Variants in GMDS observed in about 807,000 individuals in gnomAD.
GMDS encodes GDP-mannose 4,6-dehydratase, also known as GDP-mannose 4,6 dehydratase.
A neutral mutation model predicts 49.9 loss-of-function variants in GMDS; 20 were observed. That is an observed-to-expected ratio of 0.40 (90% confidence interval 0.28 to 0.58). The LOEUF (loss-of-function observed/expected upper bound fraction) is 0.58, where lower values mean the gene tolerates loss of function less well. Ranked by LOEUF, GMDS falls within the 20% of genes least tolerant of loss-of-function variation. The pLI is 0.42. For missense variants in GMDS, 362 were observed against 481.4 expected, an observed-to-expected ratio of 0.75 and a Z score of 2.32; for synonymous variants, 177 against 178.6, an observed-to-expected ratio of 0.99 and a Z score of 0.07.
intron 4 of GMDS, among the ~76,000 whole-genome samples, chr6:2,085,476 A>G (rs1338970763): frequency 6.6e-6 from 1 of 152,214 alleles, no homozygotes; most frequent in African/African-American, 2.4e-5. Context: ...AGTCATATGC[A>G]CTTCCTTCCA....
intron 4 of GMDS, among the ~76,000 whole-genome samples, chr6:2,002,999 A>G (rs566256121): frequency 1.3e-5 from 2 of 152,272 alleles, no homozygotes; most frequent in East Asian, 3.9e-4. Context: ...AAAAAAATAC[A>G]TTTAACATGA....
At chr6:1,952,509 G>A (rs1561918121) in intron 6 of GMDS, among the ~76,000 whole-genome samples, 1 of 151,996 alleles carries the variant, frequency 6.6e-6, no homozygotes, top group Non-Finnish European at 1.5e-5. Context: ...GCTGGGAGAT[G>A]ATTAAAAAAA....
chr6:1,961,494 T>A (rs372110728), intron 4 of GMDS, among the ~76,000 whole-genome samples: 1 of 152,238 alleles, frequency 6.6e-6, no homozygotes. Flanking sequence ...ATAATCTTTT[T>A]TTAATTTGAG....
At chr6:2,210,558 G>A (rs1212473794) in intron 1 of GMDS, among the ~76,000 whole-genome samples, 1 of 152,100 alleles carries the variant, frequency 6.6e-6, no homozygotes, top group Non-Finnish European at 1.5e-5. Flanking sequence ...AAGGAAATCA[G>A]CTAGGGGCTT....
rs567727573 is a variant in GMDS at position 2,180,239 on chromosome 6, G to A, written c.103-55508C>T. On this transcript the variant is annotated intron_variant, in intron 1 of 10. Coordinates refer to ENST00000380815, the MANE Select transcript of GMDS (RefSeq NM_001500.4). ...AAGTACCTCTCTCAGGGAAATAAAA[G>A]ATGAAGGATGTCAAGATCTCAACTT... Among the ~76,000 whole-genome samples, 4 of 152,324 alleles carry A rather than the reference G, an allele frequency of 2.6e-5. No individual in the cohort carries two copies. In the South Asian group the frequency reaches 8.3e-4, roughly 32 times the overall value.
In GMDS at chr6:1,855,482, G is replaced by A. The variant is rs866844843; in HGVS notation, c.771+74621C>T. On this transcript the variant is annotated intron_variant, in intron 7 of 10. Coordinates refer to ENST00000380815, the MANE Select transcript of GMDS (RefSeq NM_001500.4). ...CAGAACAGAGTTCTATTCTAGAACA[G>A]AGATCACTGCAGAGTCCAGAATGCA... is the stretch of plus-strand genomic sequence containing the variant. Among the ~76,000 whole-genome samples the A allele has an allele frequency of 5.9e-5, 9 of 152,332 alleles. No homozygotes were observed. In the Middle Eastern group the frequency reaches 0.01, roughly 173 times the overall value.
At chr6:2,176,566 C>T (rs1241670147) in intron 1 of GMDS, among the ~76,000 whole-genome samples, 1 of 152,152 alleles carries the variant, frequency 6.6e-6, no homozygotes, top group Non-Finnish European at 1.5e-5. Flanking sequence ...TAGAAACCAC[C>T]TACTGGCTTA....
chr6:2,238,391 A>G (rs1043414468), intron 1 of GMDS, among the ~76,000 whole-genome samples: 14 of 152,170 alleles, frequency 9.2e-5, no homozygotes, highest in African/African-American at 3.1e-4. Context: ...GTCTTCCCCC[A>G]GAAAACTGAT....
At chr6:1,810,730 A>G (rs1300742109) in intron 7 of GMDS, among the ~76,000 whole-genome samples, 5 of 152,302 alleles carry the variant, frequency 3.3e-5, no homozygotes, top group African/African-American at 9.6e-5. Context: ...AAAGGAGATG[A>G]CTGGACATAA....
At chr6:1,933,408 G>C (rs1405758850) in intron 6 of GMDS, among the ~76,000 whole-genome samples, 3 of 152,180 alleles carry the variant, frequency 2.0e-5, no homozygotes, top group African/African-American at 7.2e-5. Flanking sequence ...GAATTGCTGG[G>C]TCATATGAGA....
At chr6:1,820,609 T>G (rs1001321148) in intron 7 of GMDS, among the ~76,000 whole-genome samples, 1 of 152,166 alleles carries the variant, frequency 6.6e-6, no homozygotes, top group African/African-American at 2.4e-5. Context: ...AATCCTCAAA[T>G]TCTGTTTACG....
intron 4 of GMDS, among the ~76,000 whole-genome samples, chr6:1,983,227 C>T (rs1427223802): frequency 1.3e-5 from 2 of 152,082 alleles, no homozygotes; most frequent in Admixed American, 1.3e-4. Context: ...CAAACATCAA[C>T]TCAACACGGA....
At chr6:1,743,543 A>AG (rs1491159689) in intron 7 of GMDS, among the ~76,000 whole-genome samples, 2 of 46,350 alleles carry the variant, frequency 4.3e-5, no homozygotes, top group African/African-American at 1.2e-4. Flanking sequence ...ACTCCATCTC[A>AG]AAAAAAAAAA....
intron 1 of GMDS, among the ~76,000 whole-genome samples, chr6:2,136,311 C>T: frequency 6.6e-6 from 1 of 152,206 alleles, no homozygotes; most frequent in South Asian, 2.1e-4. Context: ...ATGTACCCAA[C>T]CTGTACCAAA....
chr6:1,671,752 C>T (rs1168048209), intron 9 of GMDS, among the ~76,000 whole-genome samples: 1 of 142,304 alleles, frequency 7.0e-6, no homozygotes, highest in Non-Finnish European at 1.5e-5. Flanking sequence ...GCAACCTCTG[C>T]CCCCCGGGTT....
At chr6:1,870,422 C>T (rs1758674209) in intron 7 of GMDS, among the ~76,000 whole-genome samples, 1 of 152,146 alleles carries the variant, frequency 6.6e-6, no homozygotes, top group South Asian at 2.1e-4. Flanking sequence ...GCCAATCAAG[C>T]CACAATGTCA....
At chr6:1,826,257 A>G (rs929746249) in intron 7 of GMDS, among the ~76,000 whole-genome samples, 1 of 152,202 alleles carries the variant, frequency 6.6e-6, no homozygotes, top group African/African-American at 2.4e-5. Context: ...TACATGATTA[A>G]ACAATTTTCA....
intron 3 of GMDS, among the ~76,000 whole-genome samples, chr6:2,116,744 A>G (rs1202963431): frequency 6.6e-6 from 1 of 152,150 alleles, no homozygotes; most frequent in Non-Finnish European, 1.5e-5. Flanking sequence ...TGGCTGGAAA[A>G]ACTGGCCACA....
At chr6:1,847,005 T>A (rs1757443259) in intron 7 of GMDS, among the ~76,000 whole-genome samples, 1 of 152,140 alleles carries the variant, frequency 6.6e-6, no homozygotes, top group Admixed American at 6.5e-5. Context: ...TTCAGATGTA[T>A]TGAAATAGAA....
Sources: allele counts gnomAD v4.1 joint callset (sites outside exome capture counted in the v4.1 genomes callset), GRCh38; gene constraint gnomAD v4.1.1; transcripts MANE v1.5; gene names NCBI Gene and HGNC (gene_info 2026-07-23, HGNC 2026-07-21).